GLP2R: variants seen among roughly 807,000 people sequenced by gnomAD.
GLP2R encodes the protein glucagon-like peptide 2 receptor.
Under a neutral mutation model 68.2 loss-of-function variants are expected in GLP2R, and 59 were observed. The observed-to-expected ratio is 0.87, with a 90% confidence interval of 0.70 to 1.07. GLP2R has a LOEUF of 1.07. Ranked by LOEUF, GLP2R falls within the 50% of genes least tolerant of loss-of-function variation. The pLI is 0.00. For missense variants in GLP2R, 548 were observed against 677.4 expected (o/e 0.81, Z 2.12); for synonymous variants, 270 against 265.4 (o/e 1.02, Z -0.17).
chr17:9,872,497 A>G (rs1399495351), intron 10 of GLP2R, among the ~76,000 whole-genome samples: 3 of 152,204 alleles, frequency 2.0e-5, no homozygotes, highest in Non-Finnish European at 2.9e-5. Flanking sequence ...GAATCACTTG[A>G]ATTCGGGAGG....
chr17:9,870,623 C>T, intron 9 of GLP2R, 124 bp from the exon 10 acceptor site: 2 of 691,244 alleles, frequency 2.9e-6, no homozygotes, highest in East Asian at 2.5e-5. Flanking sequence ...GGCCAGCTAA[C>T]TGCTGAATTG....
intron 10 of GLP2R, among the ~76,000 whole-genome samples, chr17:9,879,099 G>A (rs1240516887): frequency 6.6e-6 from 1 of 151,644 alleles, no homozygotes; most frequent in African/African-American, 2.4e-5. Context: ...TACTTCTCAG[G>A]ATCCATGAGG....
intron 9 of GLP2R, chr17:9,866,111 G>A (rs756764001): frequency 5.7e-5 from 19 of 331,974 alleles, no homozygotes; most frequent in Non-Finnish European, 9.3e-5. Flanking sequence ...CACCAGACAT[G>A]GAAGGGAAAA....
At chr17:9,842,756 C>A (rs115002478) in intron 4 of GLP2R, 140 bp downstream of exon 4, 5 of 839,902 alleles carry the variant, frequency 6.0e-6, no homozygotes, top group Non-Finnish European at 9.1e-6. Context: ...AGGAAGGTCC[C>A]GCAAAGCAGC....
intron 10 of GLP2R, among the ~76,000 whole-genome samples, chr17:9,871,268 T>G (rs953986746): frequency 1.3e-5 from 2 of 151,324 alleles, no homozygotes; most frequent in African/African-American, 4.9e-5. Flanking sequence ...GTGAGGGGCT[T>G]GCTTGAGCCC....
rs915619390 is a variant in GLP2R at position 9,890,147 on chromosome 17, A to G, written c.*442A>G. The G allele has an allele frequency of 1.1e-5, 5 of 439,244 alleles. No individual in the cohort carries two copies. The highest frequency in any genetic ancestry group is 2.6e-5 in the Admixed American group (1 of 39,204). The allele number at this position is 439,244 out of a possible 1,614,324, so 27.2% of individuals were successfully genotyped here. On this transcript the variant is annotated 3_prime_UTR_variant, in exon 13 of 13. Coordinates refer to ENST00000262441, the MANE Select transcript of GLP2R (RefSeq NM_004246.3). ...AATGCAGAATCCTAGACTTGTGGCT[A>G]AGATTCTAAGACAGTGAGTCTGGGA... is the stretch of plus-strand genomic sequence containing the variant.
At position 9,890,383 on chromosome 17, in the gene GLP2R, A is replaced by C; in HGVS notation, c.*678A>C. Reference sequence around the variant, plus strand: ...ATGTAACTCCACCCACCAGAGTGCCACTCCTCTCTGCTCTTCCTCTCCTAT... The same window carrying C: ...ATGTAACTCCACCCACCAGAGTGCCCCTCCTCTCTGCTCTTCCTCTCCTAT... On this transcript the variant is annotated 3_prime_UTR_variant, in exon 13 of 13. Transcript: ENST00000262441. 2 of 225,510 alleles carry C rather than the reference A, an allele frequency of 8.9e-6. No individual in the cohort carries two copies. Among genetic ancestry groups the C allele is most frequent in the Non-Finnish European group, 1.8e-5 (2 of 113,078 alleles). The allele number at this position is 225,510 out of a possible 1,614,324, so 14.0% of individuals were successfully genotyped here. A position where few individuals can be genotyped will look rare whatever the true frequency, so the allele number is the denominator to read the frequency against.
rs778848725 is a variant in GLP2R at position 9,836,371 on chromosome 17, G to A, written c.278G>A (p.Gly93Asp). 5 of 1,586,686 alleles carry A rather than the reference G, an allele frequency of 3.2e-6. 1 individual carries two copies. The Admixed American group carries it at 8.3e-5, about 26-fold the overall frequency. The stretch of plus-strand genomic sequence containing the variant: ...TATCAGACCCTTCTTCTCTCTGTAG[G>A]CATATTTTGTAACGGGACATTTGAT... The part of the protein sequence containing the change: ...CLRDLLKEPS[G>D]IFCNGTFDQY... Residue 93 changes from glycine (G) to aspartate (D), a missense_variant and splice_region_variant, in exon 3 of 13, where the codon GGC becomes GAC. Physicochemically the swap from Gly to Asp is moderately conservative, Grantham distance 94 (BLOSUM62 -1). Coordinates refer to ENST00000262441, the MANE Select transcript of GLP2R (RefSeq NM_004246.3).
At chr17:9,869,836 G>T (rs1000559668) in intron 9 of GLP2R, among the ~76,000 whole-genome samples, 2 of 152,172 alleles carry the variant, frequency 1.3e-5, no homozygotes, top group African/African-American at 2.4e-5. Context: ...TATTCTTTTC[G>T]TTAAGTGCAA....
At chr17:9,870,079 G>C (rs1191212239) in intron 9 of GLP2R, among the ~76,000 whole-genome samples, 1 of 152,166 alleles carries the variant, frequency 6.6e-6, no homozygotes, top group Non-Finnish European at 1.5e-5. Flanking sequence ...GACACCAATA[G>C]GGATGGAGTT....
At chr17:9,865,669 C>A (rs2067029131) in intron 9 of GLP2R, among the ~76,000 whole-genome samples, 1 of 152,164 alleles carries the variant, frequency 6.6e-6, no homozygotes, top group South Asian at 2.1e-4. Flanking sequence ...CTGATAAATT[C>A]TCTTTCTCCT....
intron 2 of GLP2R, among the ~76,000 whole-genome samples, chr17:9,835,987 T>A (rs2066726231): frequency 7.2e-6 from 1 of 138,492 alleles, no homozygotes; most frequent in Non-Finnish European, 1.5e-5. Context: ...TGCAGTGAGC[T>A]GAGATCACGC....
At chr17:9,844,534 G>T (rs2066818459) in intron 4 of GLP2R, among the ~76,000 whole-genome samples, 1 of 151,976 alleles carries the variant, frequency 6.6e-6, no homozygotes, top group Non-Finnish European at 1.5e-5. Flanking sequence ...GAGGCTGTGA[G>T]AGGGTAGAGC....
chr17:9,885,314 C>T (rs888598270), intron 11 of GLP2R, among the ~76,000 whole-genome samples: 12 of 151,854 alleles, frequency 7.9e-5, no homozygotes, highest in African/African-American at 1.7e-4. Context: ...CTCAGCCTCC[C>T]GAGTAGCTGG....
chr17:9,877,888 A>C (rs1597401673), intron 10 of GLP2R, among the ~76,000 whole-genome samples: 2 of 152,264 alleles, frequency 1.3e-5, no homozygotes, highest in South Asian at 4.1e-4. Context: ...AAAAAAAAAA[A>C]AAAAAAACGT....
At chr17:9,861,696 A>G (rs9913544) in intron 8 of GLP2R, among the ~76,000 whole-genome samples, 4,624 of 152,154 alleles carry the variant, frequency 0.03, 233 homozygotes, top group African/African-American at 0.1. Flanking sequence ...GTGTGATCCC[A>G]TTTTTTTCCT....
intron 4 of GLP2R, among the ~76,000 whole-genome samples, chr17:9,853,880 A>G (rs1307405033): frequency 6.6e-6 from 1 of 152,234 alleles, no homozygotes; most frequent in Non-Finnish European, 1.5e-5. Context: ...CCAAGACCAG[A>G]CAAACACATT....
intron 4 of GLP2R, among the ~76,000 whole-genome samples, chr17:9,843,847 T>A (rs2066811149): frequency 6.6e-6 from 1 of 152,116 alleles, no homozygotes; most frequent in Non-Finnish European, 1.5e-5. Context: ...ATACGATGGG[T>A]TAGGTTTTTG....
chr17:9,839,915 C>A (rs1327661031), intron 3 of GLP2R, among the ~76,000 whole-genome samples: 1 of 152,110 alleles, frequency 6.6e-6, no homozygotes, highest in Non-Finnish European at 1.5e-5. Flanking sequence ...ATCCTTTCCT[C>A]CTTCTAGAAG....
Sources: allele counts gnomAD v4.1 joint callset (sites outside exome capture counted in the v4.1 genomes callset), GRCh38; gene constraint gnomAD v4.1.1; transcripts MANE v1.5; gene names NCBI Gene and HGNC (gene_info 2026-07-23, HGNC 2026-07-21).